Variants in MAML2 observed in about 807,000 individuals in gnomAD.
MAML2 encodes the protein mastermind-like protein 2.
MAML2 carries 22 observed loss-of-function variants against 96.1 expected under a neutral mutation model. The ratio of observed to expected loss-of-function variants is 0.23; its 90% CI spans 0.16 to 0.33. MAML2 has a LOEUF of 0.33. Among genes scored for constraint, MAML2 ranks in the 10% least tolerant of loss-of-function variants. MAML2 has a pLI of 1.00. For synonymous variants in MAML2, 561 were observed against 521.3 expected, an observed-to-expected ratio of 1.08 and a Z score of -1.04; for missense variants, 1,367 against 1,392.4, an observed-to-expected ratio of 0.98 and a Z score of 0.29.
rs35138919 is a variant in MAML2, at chr11:96,326,358, C to CGTGT, written c.513+15021_513+15024dup. Reference sequence around the variant, plus strand: ...AACTCTATTTTTAATCACACTAAAGCGTGTGTGTGTGTGTGTGTGTGTGTG... The same window carrying CGTGT: ...AACTCTATTTTTAATCACACTAAAGCGTGTGTGTGTGTGTGTGTGTGTGTGTGTG... On this transcript the variant is annotated intron_variant, in intron 1 of 4. Transcript: ENST00000524717. Among the ~76,000 whole-genome samples, 97 of 147,754 alleles carry CGTGT rather than the reference C, an allele frequency of 6.6e-4. No homozygotes were observed. The South Asian group carries it at 0.015, about 23-fold the overall frequency.
At chr11:96,121,783 T>TTTTTTTTTTTTTTTTTG in intron 1 of MAML2, among the ~76,000 whole-genome samples, 1 of 76,092 alleles carries the variant, frequency 1.3e-5, no homozygotes, top group African/African-American at 5.3e-5. Context: ...CTGCGTGATT[T>TTTTTTTTTTTTTTTTTG]TTTTTTTTTT....
intron 1 of MAML2, among the ~76,000 whole-genome samples, chr11:96,199,798 G>A (rs1161639793): frequency 6.6e-6 from 1 of 152,178 alleles, no homozygotes; most frequent in Non-Finnish European, 1.5e-5. Context: ...GGAAAACAGT[G>A]ACAACATTAA....
At chr11:96,021,233 T>C (rs756845191) in intron 2 of MAML2, among the ~76,000 whole-genome samples, 168 of 152,220 alleles carry the variant, frequency 1.1e-3, no homozygotes, top group Non-Finnish European at 1.9e-3. Flanking sequence ...CTGGGAGCTC[T>C]TTGAAGGAAG....
intron 1 of MAML2, among the ~76,000 whole-genome samples, chr11:96,332,442 C>A (rs1863866498): frequency 6.6e-6 from 1 of 152,218 alleles, no homozygotes. Flanking sequence ...ACTGAGCCTG[C>A]AAACAGATCC....
At chr11:96,275,269 A>ATTTTTTTTTTTTTTTTTTTT (rs56407815) in intron 1 of MAML2, among the ~76,000 whole-genome samples, 2 of 111,740 alleles carry the variant, frequency 1.8e-5, no homozygotes, top group Non-Finnish European at 1.7e-5. Context: ...ACACTAAGGA[A>ATTTTTTTTTTTTTTTTTTTT]TTTTTTTTTT....
intron 1 of MAML2, among the ~76,000 whole-genome samples, chr11:96,094,664 A>C (rs565808955): frequency 7.9e-5 from 12 of 152,314 alleles, no homozygotes; most frequent in Admixed American, 7.2e-4. Flanking sequence ...TAAAAAAGAA[A>C]CATAAAGCAT....
chr11:96,271,108 A>T (rs1388644817), intron 1 of MAML2, among the ~76,000 whole-genome samples: 1 of 152,224 alleles, frequency 6.6e-6, no homozygotes, highest in African/African-American at 2.4e-5. Flanking sequence ...CTTTGGCCAC[A>T]GACTGAAGTC....
chr11:96,002,393 C>A (rs1241742114), intron 2 of MAML2, among the ~76,000 whole-genome samples: 1 of 152,178 alleles, frequency 6.6e-6, no homozygotes, highest in Non-Finnish European at 1.5e-5. Flanking sequence ...AAAGGTTGAG[C>A]AACATTTTTG....
intron 1 of MAML2, among the ~76,000 whole-genome samples, chr11:96,207,243 G>T (rs561909970): frequency 6.6e-6 from 1 of 152,144 alleles, no homozygotes; most frequent in Admixed American, 6.5e-5. Context: ...GTGCTGCAAA[G>T]GATGTCATTT....
intron 1 of MAML2, among the ~76,000 whole-genome samples, chr11:96,093,954 T>A (rs4753717): frequency 4.6e-5 from 7 of 152,110 alleles, no homozygotes; most frequent in Admixed American, 3.9e-4. Context: ...TAGAAAACAC[T>A]CACAAGTCTA....
intron 1 of MAML2, among the ~76,000 whole-genome samples, chr11:96,328,396 G>C (rs1863812982): frequency 6.6e-6 from 1 of 152,016 alleles, no homozygotes; most frequent in Non-Finnish European, 1.5e-5. Context: ...GAAGCTGAGT[G>C]TGTCTACTCT....
intron 1 of MAML2, among the ~76,000 whole-genome samples, chr11:96,244,740 C>A (rs574574645): frequency 6.6e-6 from 1 of 152,256 alleles, no homozygotes; most frequent in South Asian, 2.1e-4. Flanking sequence ...AAAGCTGTGA[C>A]TTGAACCCAG....
chr11:96,186,053 C>T (rs1415659314), intron 1 of MAML2, among the ~76,000 whole-genome samples: 13 of 152,086 alleles, frequency 8.5e-5, no homozygotes. Flanking sequence ...GTTTGAGGAC[C>T]CCAAGTGTAT....
At chr11:96,179,395 C>T (rs531874066) in intron 1 of MAML2, among the ~76,000 whole-genome samples, 3 of 152,184 alleles carry the variant, frequency 2.0e-5, no homozygotes, top group South Asian at 2.1e-4. Context: ...TTGTTCTTTA[C>T]CTTCCAGTCC....
chr11:96,187,754 A>C (rs1861594650), intron 1 of MAML2, among the ~76,000 whole-genome samples: 1 of 151,118 alleles, frequency 6.6e-6, no homozygotes, highest in African/African-American at 2.4e-5. Flanking sequence ...AGATCGTGCC[A>C]CTGCACTCCA....
chr11:96,107,947 A>G (rs994579164), intron 1 of MAML2, among the ~76,000 whole-genome samples: 2 of 152,160 alleles, frequency 1.3e-5, no homozygotes, highest in African/African-American at 4.8e-5. Context: ...AATATCCTTT[A>G]TAATAAACTG....
chr11:95,982,958 T>C (rs112019165), intron 4 of MAML2, among the ~76,000 whole-genome samples: 4 of 152,296 alleles, frequency 2.6e-5, no homozygotes, highest in African/African-American at 9.6e-5. Flanking sequence ...TATGTAACAT[T>C]TTTTATCTTC....
intron 1 of MAML2, among the ~76,000 whole-genome samples, chr11:96,266,352 C>T (rs1264829414): frequency 2.6e-5 from 4 of 152,212 alleles, no homozygotes; most frequent in African/African-American, 9.6e-5. Context: ...GGACAGATCA[C>T]GAGGTCAGGA....
intron 2 of MAML2, among the ~76,000 whole-genome samples, chr11:96,036,913 G>T (rs955700583): frequency 6.6e-6 from 1 of 152,152 alleles, no homozygotes; most frequent in Non-Finnish European, 1.5e-5. Context: ...TCCACTCCCA[G>T]CTCAGAGGAC....
Sources: allele counts gnomAD v4.1 joint callset (sites outside exome capture counted in the v4.1 genomes callset), GRCh38; gene constraint gnomAD v4.1.1; transcripts MANE v1.5; gene names NCBI Gene and HGNC (gene_info 2026-07-23, HGNC 2026-07-21).